The following ITPR1 variants were observed in gnomAD, a reference collection of about 807,000 sequenced individuals.
ITPR1 encodes inositol 1,4,5-trisphosphate receptor type 1.
ITPR1 carries 96 observed loss-of-function variants against 318.4 expected under a neutral mutation model. The ratio of observed to expected loss-of-function variants is 0.30; its 90% CI spans 0.26 to 0.36. The LOEUF is 0.36. Among genes scored for constraint, ITPR1 ranks in the 10% least tolerant of loss-of-function variants. ITPR1 has a pLI of 1.00. For synonymous variants in ITPR1, 1,312 were observed against 1,289.9 expected, an observed-to-expected ratio of 1.02 and a Z score of -0.37; for missense variants, 2,440 against 3,460.2, an observed-to-expected ratio of 0.71 and a Z score of 7.40.
chr3:4,609,089 T>TATATAC (rs1171860541), intron 4 of ITPR1, among the ~76,000 whole-genome samples: 77 of 91,914 alleles, frequency 8.4e-4, no homozygotes, highest in Non-Finnish European at 1.2e-3. Flanking sequence ...TATATATATA[T>TATATAC]ACACACACAC....
intron 37 of ITPR1, among the ~76,000 whole-genome samples, chr3:4,709,830 C>G (rs1329465445): frequency 1.3e-5 from 2 of 152,118 alleles, no homozygotes; most frequent in Non-Finnish European, 1.5e-5. Flanking sequence ...TGAAAATAAA[C>G]AACACTGACA....
intron 32 of ITPR1, 54 bp from the exon 33 acceptor site, chr3:4,693,436 T>C: frequency 1.3e-6 from 2 of 1,583,054 alleles, no homozygotes; most frequent in Non-Finnish European, 1.7e-6. Context: ...ATTTTTTTCA[T>C]GCTGCCCCAC....
At chr3:4,801,729 A>T (rs1007904984) in intron 54 of ITPR1, among the ~76,000 whole-genome samples, 1 of 152,124 alleles carries the variant, frequency 6.6e-6, no homozygotes, top group Admixed American at 6.6e-5. Context: ...GCACCACTGC[A>T]CTCCAGCCTG....
At chr3:4,786,955 T>C (rs2047233930) in intron 51 of ITPR1, among the ~76,000 whole-genome samples, 1 of 152,194 alleles carries the variant, frequency 6.6e-6, no homozygotes, top group Admixed American at 6.5e-5. Context: ...AGAAAGTGCC[T>C]TAAGTGAGAT....
intron 10 of ITPR1, among the ~76,000 whole-genome samples, chr3:4,647,341 A>C (rs145797722): frequency 1.1e-4 from 17 of 152,336 alleles, no homozygotes; most frequent in African/African-American, 3.1e-4. Flanking sequence ...GGCTATTTCA[A>C]ATAAAGCTTC....
chr3:4,684,505 G>A (rs2094356614), intron 29 of ITPR1, among the ~76,000 whole-genome samples, 159 bp downstream of exon 29: 2 of 152,176 alleles, frequency 1.3e-5, no homozygotes, highest in Non-Finnish European at 2.9e-5. Context: ...CATGGGTTTT[G>A]GCATCAGATC....
rs2042454591 is a variant in ITPR1, at chr3:4,725,584, G to A, written c.5172+3G>A. On this transcript the variant is annotated splice_donor_region_variant and intron_variant, in intron 41 of 61. Transcript: ENST00000649015. ...CGGATTCTGAGAACGCCACTGAGGT[G>A]TGTTGCCCGCCTATATTTGTAGCGC... 1 of 1,598,724 alleles carries A rather than the reference G, an allele frequency of 6.3e-7. No individual in the cohort carries two copies. Among genetic ancestry groups the A allele is most frequent in the Non-Finnish European group, 8.5e-7 (1 of 1,179,132 alleles).
intron 4 of ITPR1, among the ~76,000 whole-genome samples, chr3:4,567,142 G>T (rs1031226657): frequency 6.6e-6 from 1 of 152,180 alleles, no homozygotes; most frequent in African/African-American, 2.4e-5. Flanking sequence ...TGGAAAGCTC[G>T]TAGGGTGTGG....
At chr3:4,794,854 C>A (rs942329836) in intron 52 of ITPR1, 6 of 494,980 alleles carry the variant, frequency 1.2e-5, no homozygotes, top group Non-Finnish European at 2.1e-5. Context: ...CCCAATACAT[C>A]TTCTGTTCCA....
chr3:4,544,688 G>T (rs2084795516), intron 4 of ITPR1, among the ~76,000 whole-genome samples: 1 of 152,204 alleles, frequency 6.6e-6, no homozygotes, highest in Non-Finnish European at 1.5e-5. Flanking sequence ...TTCGTAAAGG[G>T]AAATGCATAG....
intron 54 of ITPR1, among the ~76,000 whole-genome samples, chr3:4,802,536 A>C (rs1457886897): frequency 2.0e-5 from 3 of 152,076 alleles, no homozygotes; most frequent in Non-Finnish European, 2.9e-5. Context: ...AATGGGAAGG[A>C]AACAGGCTGG....
chr3:4,650,548 C>A (rs931613472), intron 10 of ITPR1, among the ~76,000 whole-genome samples: 31 of 151,196 alleles, frequency 2.1e-4, no homozygotes, highest in Middle Eastern at 3.4e-3. Flanking sequence ...ACCTCAGCTG[C>A]TGTAAAGATT....
chr3:4,656,594 A>G (rs1182907303), intron 12 of ITPR1, among the ~76,000 whole-genome samples: 1 of 152,190 alleles, frequency 6.6e-6, no homozygotes, highest in Admixed American at 6.5e-5. Context: ...AAAAAAACAC[A>G]CATAGAGGTT....
At chr3:4,510,061 G>C (rs2081687128) in intron 2 of ITPR1, among the ~76,000 whole-genome samples, 1 of 152,216 alleles carries the variant, frequency 6.6e-6, no homozygotes, top group Non-Finnish European at 1.5e-5. Flanking sequence ...GTATAACCCA[G>C]ATCTGGGAGG....
chr3:4,789,866 C>T (rs1469437031), intron 52 of ITPR1, among the ~76,000 whole-genome samples: 1 of 152,204 alleles, frequency 6.6e-6, no homozygotes, highest in Non-Finnish European at 1.5e-5. Context: ...GATCCATCCG[C>T]CTCAGCTTCC....
At chr3:4,593,889 G>C (rs777400461) in intron 4 of ITPR1, among the ~76,000 whole-genome samples, 12 of 152,206 alleles carry the variant, frequency 7.9e-5, no homozygotes, top group Non-Finnish European at 1.3e-4. Context: ...TCTTGGCAAT[G>C]AGAGCCTTTG....
At chr3:4,525,182 C>A (rs775826193) in intron 4 of ITPR1, among the ~76,000 whole-genome samples, 1 of 152,066 alleles carries the variant, frequency 6.6e-6, no homozygotes, top group African/African-American at 2.4e-5. Context: ...AGCTGAGTAA[C>A]CTTGATAGAT....
chr3:4,574,347 G>C (rs980323420), intron 4 of ITPR1, among the ~76,000 whole-genome samples: 4 of 152,106 alleles, frequency 2.6e-5, no homozygotes, highest in Non-Finnish European at 4.4e-5. Context: ...TGTAATGTGA[G>C]GGCAATGCTT....
At chr3:4,785,938 C>T (rs1472843798) in intron 51 of ITPR1, among the ~76,000 whole-genome samples, 1 of 152,174 alleles carries the variant, frequency 6.6e-6, no homozygotes, top group African/African-American at 2.4e-5. Context: ...CTTCAGGTTT[C>T]CCTAGGGAGT....
Sources: allele counts gnomAD v4.1 joint callset (sites outside exome capture counted in the v4.1 genomes callset), GRCh38; gene constraint gnomAD v4.1.1; transcripts MANE v1.5; gene names NCBI Gene and HGNC (gene_info 2026-07-23, HGNC 2026-07-21).